Variants in MSRA observed in about 807,000 individuals in gnomAD.
MSRA encodes the protein methionine sulfoxide reductase A.
A neutral mutation model predicts 31.3 loss-of-function variants in MSRA; 54 were observed. The ratio of observed to expected loss-of-function variants is 1.73; its 90% CI spans 1.39 to 2.17. MSRA has a LOEUF of 2.17. MSRA is among the 30% of genes most tolerant of loss of function. The pLI is 0.00. For synonymous variants in MSRA, 169 were observed against 116.5 expected, an observed-to-expected ratio of 1.45 and a Z score of -2.90; for missense variants, 507 against 300.9, an observed-to-expected ratio of 1.69 and a Z score of -5.07.
intron 3 of MSRA, among the ~76,000 whole-genome samples, chr8:10,277,432 A>C (rs1309518721): frequency 2.0e-5 from 3 of 152,168 alleles, no homozygotes; most frequent in Non-Finnish European, 4.4e-5. Context: ...CATATTTCTA[A>C]GAATAGGAAA....
chr8:10,366,640 G>A lies in MSRA; in HGVS notation c.543+46651G>A, dbSNP rs535219818. Among the ~76,000 whole-genome samples, 19 of 152,222 alleles carry A rather than the reference G, an allele frequency of 1.2e-4. No individual in the cohort carries two copies. The East Asian group carries it at 1.5e-3, about 12-fold the overall frequency. ...CACCCCCAGCACCATCCCTGCTCCC[G>A]CATCCCCTGCTTGTACCTGTAACAG... is the stretch of plus-strand genomic sequence containing the variant. On this transcript the variant is annotated intron_variant, in intron 5 of 5. Transcript: ENST00000317173.
At chr8:10,347,881 CT>C (rs1803883148) in intron 5 of MSRA, among the ~76,000 whole-genome samples, 1 of 152,182 alleles carries the variant, frequency 6.6e-6, no homozygotes, top group African/African-American at 2.4e-5. Context: ...TGAACATTCC[CT>C]TGTCTCCAGT....
At chr8:10,352,447 G>A (rs576409401) in intron 5 of MSRA, among the ~76,000 whole-genome samples, 13 of 152,244 alleles carry the variant, frequency 8.5e-5, no homozygotes, top group South Asian at 6.2e-4. Flanking sequence ...TTGAAGAGGA[G>A]GCAGGGAGGG....
chr8:10,367,174 T>C (rs1805215028), intron 5 of MSRA, among the ~76,000 whole-genome samples: 1 of 152,236 alleles, frequency 6.6e-6, no homozygotes, highest in Non-Finnish European at 1.5e-5. Context: ...CCACGCTGTC[T>C]ACACTGCCTA....
At chr8:10,101,993 A>G (rs921350668) in intron 1 of MSRA, among the ~76,000 whole-genome samples, 4 of 152,086 alleles carry the variant, frequency 2.6e-5, no homozygotes, top group African/African-American at 9.7e-5. Flanking sequence ...TCTGATGAGA[A>G]ATCTGCTGTC....
At chr8:10,095,734 G>A in intron 1 of MSRA, 2 of 1,103,220 alleles carry the variant, frequency 1.8e-6, no homozygotes, top group Non-Finnish European at 2.2e-6. Flanking sequence ...TTCAAACTTA[G>A]AAGGCTTTTT....
chr8:10,060,847 C>G (rs1466503886), intron 1 of MSRA, among the ~76,000 whole-genome samples: 2 of 152,104 alleles, frequency 1.3e-5, no homozygotes, highest in Non-Finnish European at 2.9e-5. Context: ...ATACAAAGAA[C>G]AGATCTTTGA....
intron 1 of MSRA, among the ~76,000 whole-genome samples, chr8:10,072,128 A>T (rs1052374129): frequency 3.3e-5 from 5 of 152,066 alleles, no homozygotes; most frequent in African/African-American, 1.2e-4. Flanking sequence ...AAGCAGAACA[A>T]AGGCGCACAC....
chr8:10,212,875 C>T (rs1809632399), intron 2 of MSRA, among the ~76,000 whole-genome samples: 1 of 151,936 alleles, frequency 6.6e-6, no homozygotes, highest in Non-Finnish European at 1.5e-5. Flanking sequence ...TTCTTTGAAC[C>T]CATCATTATT....
rs1041114533 is a variant in MSRA at position 10,392,119 on chromosome 8, G to A, written c.544-36029G>A. On this transcript the variant is annotated intron_variant, in intron 5 of 5. Coordinates refer to ENST00000317173, the MANE Select transcript of MSRA (RefSeq NM_012331.5). ...GAAGGCTCATCTCTGACAAGAGAAG[G>A]GGCCCTTGAGAATGGAGCTTTCTGT... is the stretch of plus-strand genomic sequence containing the variant. Among the ~76,000 whole-genome samples the A allele has an allele frequency of 5.7e-4, 86 of 152,180 alleles. 2 individuals carry two copies. The highest frequency in any genetic ancestry group is 5.3e-3 in the Admixed American group (81 of 15,280).
intron 5 of MSRA, among the ~76,000 whole-genome samples, chr8:10,357,946 G>T (rs1242203325): frequency 6.6e-6 from 1 of 151,824 alleles, no homozygotes; most frequent in East Asian, 1.9e-4. Context: ...TTTTGAAATG[G>T]AGTTTTACTC....
chr8:10,166,661 C>T (rs574931824), intron 1 of MSRA, among the ~76,000 whole-genome samples: 13 of 152,258 alleles, frequency 8.5e-5, no homozygotes, highest in East Asian at 7.7e-4. Context: ...CTGCATTTTT[C>T]CCTCCAGCCT....
At chr8:10,106,969 CA>C (rs1364148908) in intron 1 of MSRA, among the ~76,000 whole-genome samples, 1 of 152,114 alleles carries the variant, frequency 6.6e-6, no homozygotes, top group Non-Finnish European at 1.5e-5. Context: ...CCATCTACCC[CA>C]TCCGTCCATC....
Position 10,179,145 on chromosome 8 carries a change from G to A in MSRA, c.143-28688G>A, listed in dbSNP as rs1355764677. Reference sequence around the variant, plus strand: ...CATCCTGTGTCATGGCATCCCACAGGACAACATTATCTTTTAATAATTGAA... The same window carrying A: ...CATCCTGTGTCATGGCATCCCACAGAACAACATTATCTTTTAATAATTGAA... On this transcript the variant is annotated intron_variant, in intron 1 of 5. Coordinates refer to ENST00000317173, the MANE Select transcript of MSRA (RefSeq NM_012331.5). Among the ~76,000 whole-genome samples, 3 of 152,148 alleles carry A rather than the reference G, an allele frequency of 2.0e-5. No homozygotes were observed. In the East Asian group the frequency reaches 5.8e-4, roughly 29 times the overall value.
chr8:10,301,426 C>T (rs1236395753), intron 3 of MSRA, 108 bp from the exon 4 acceptor site: 2 of 769,332 alleles, frequency 2.6e-6, no homozygotes, highest in Admixed American at 2.3e-5. Flanking sequence ...ATTCTTCCTT[C>T]ACAGGGTAGA....
chr8:10,283,694 T>G (rs1191914225), intron 3 of MSRA, among the ~76,000 whole-genome samples: 1 of 151,008 alleles, frequency 6.6e-6, no homozygotes, highest in Admixed American at 6.6e-5. Context: ...ATACAATGTT[T>G]TTTTTTCCAT....
chr8:10,176,510 T>A (rs1806063534), intron 1 of MSRA, among the ~76,000 whole-genome samples: 2 of 152,238 alleles, frequency 1.3e-5, no homozygotes, highest in South Asian at 4.1e-4. Context: ...CTCCTTTGTT[T>A]CCTTCTTCAT....
intron 3 of MSRA, among the ~76,000 whole-genome samples, chr8:10,256,739 C>T (rs1490933586): frequency 6.6e-6 from 1 of 152,224 alleles, no homozygotes; most frequent in Non-Finnish European, 1.5e-5. Flanking sequence ...TCTTCCCTTT[C>T]TGTGGGGCAG....
At position 10,427,484 on chromosome 8, in the gene MSRA, C is replaced by A. The variant is rs1244933714; in HGVS notation, c.544-664C>A. On this transcript the variant is annotated intron_variant, in intron 5 of 5. Coordinates refer to ENST00000317173, the MANE Select transcript of MSRA (RefSeq NM_012331.5). ...AGCCACAGGCCACATCCTGCCCTGC[C>A]CTGACTCCCCAGGCTCCCTGGCCTG... is the stretch of plus-strand genomic sequence containing the variant. 2.0e-5 allele frequency among the ~76,000 whole-genome samples: 3 copies of A among 152,160 alleles called. No individual in the cohort carries two copies. In the East Asian group the frequency reaches 5.8e-4, roughly 29 times the overall value.
Sources: gnomAD v4.1 joint callset for allele counts (sites outside exome capture counted in the v4.1 genomes callset) on GRCh38, gnomAD v4.1.1 for gene constraint, MANE v1.5 for transcripts, NCBI Gene and HGNC (gene_info 2026-07-23, HGNC 2026-07-21) for gene names.